Variants in CDC23 observed in about 807,000 individuals in gnomAD.
The protein encoded by CDC23 is cell division cycle 23, also known as cell division cycle protein 23 homolog.
CDC23 carries 26 observed loss-of-function variants against 81.7 expected under a neutral mutation model. The ratio of observed to expected loss-of-function variants is 0.32; its 90% CI spans 0.23 to 0.44. CDC23 has a LOEUF of 0.44. Among genes scored for constraint, CDC23 ranks in the 20% least tolerant of loss-of-function variants. The probability of loss-of-function intolerance (pLI) is 1.00; values close to 1 mark genes in which losing one functional copy is unlikely to be tolerated. For synonymous variants in CDC23, 267 were observed against 270.8 expected, an observed-to-expected ratio of 0.99 and a Z score of 0.14; for missense variants, 519 against 728.0, an observed-to-expected ratio of 0.71 and a Z score of 3.30.
intron 3 of CDC23, among the ~76,000 whole-genome samples, chr5:138,205,104 G>A (rs1162013203): frequency 2.0e-5 from 3 of 151,862 alleles, no homozygotes; most frequent in East Asian, 1.9e-4. Flanking sequence ...TTGTAGAGAC[G>A]GGGTTTCACC....
Position 138,192,774 on chromosome 5 carries a change from C to G in CDC23, c.1013-117G>C. 3 of 799,806 alleles carry G rather than the reference C, an allele frequency of 3.8e-6. No individual in the cohort carries two copies. The East Asian group carries it at 8.0e-5, about 21-fold the overall frequency. 49.5% of individuals were successfully genotyped at this position (799,806 alleles called of 1,614,324 possible). A position where few individuals can be genotyped will look rare whatever the true frequency, so the allele number is the denominator to read the frequency against. On this transcript the variant is annotated intron_variant, in intron 9 of 15. Coordinates refer to ENST00000394886, the MANE Select transcript of CDC23 (RefSeq NM_004661.4). ...ACCATAACCCATTCCCTCTAAAGTC[C>G]TGGCAAAACACCCAAATTGTACAAA...
At chr5:138,208,878 T>A (rs992526018) in intron 2 of CDC23, among the ~76,000 whole-genome samples, 4 of 152,152 alleles carry the variant, frequency 2.6e-5, no homozygotes, top group Non-Finnish European at 4.4e-5. Context: ...AACCTCAGCC[T>A]CCTGGGCTCA....
intron 9 of CDC23, among the ~76,000 whole-genome samples, chr5:138,197,256 A>G (rs1476688940): frequency 2.1e-5 from 3 of 144,036 alleles, no homozygotes; most frequent in African/African-American, 7.9e-5. Flanking sequence ...CAGTGAGCCA[A>G]TGGCGCCACT....
rs750378539 is a variant in CDC23, at chr5:138,188,840, C to CA, written c.*137dup. The CA allele has an allele frequency of 1.2e-5, 8 of 695,212 alleles. No individual in the cohort carries two copies. Among genetic ancestry groups the CA allele is most frequent in the Non-Finnish European group, 1.8e-5 (8 of 444,502 alleles). The allele number at this position is 695,212 out of a possible 1,614,324, so 43.1% of individuals were successfully genotyped here. On this transcript the variant is annotated 3_prime_UTR_variant, in exon 16 of 16. Coordinates refer to ENST00000394886, the MANE Select transcript of CDC23 (RefSeq NM_004661.4). ...CAGTTGGCCTCTGAAGGTAATTATA[C>CA]AAGCTGTCCCTATGGAGCTGTTGCC...
chr5:138,192,100 A>T, intron 11 of CDC23, 163 bp from the exon 12 acceptor site: 2 of 927,838 alleles, frequency 2.2e-6, no homozygotes, highest in East Asian at 5.1e-5. Flanking sequence ...CTATTAACCC[A>T]TTAGTGAAAT....
At chr5:138,207,132 G>A (rs576640725) in intron 2 of CDC23, among the ~76,000 whole-genome samples, 6 of 151,962 alleles carry the variant, frequency 3.9e-5, no homozygotes, top group Admixed American at 1.3e-4. Context: ...TGCCTGCCTC[G>A]GCTTCCCAAA....
Position 138,188,711 on chromosome 5 carries a change from G to A in CDC23, c.*267C>T, listed in dbSNP as rs1754785462. 7.6e-6 allele frequency: 2 copies of A among 262,702 alleles called. No individual in the cohort carries two copies. Among genetic ancestry groups the A allele is most frequent in the Admixed American group, 1.1e-4 (2 of 18,660 alleles). The allele number at this position is 262,702 out of a possible 1,614,324, so 16.3% of individuals were successfully genotyped here. On this transcript the variant is annotated 3_prime_UTR_variant, in exon 16 of 16. Transcript: ENST00000394886. ...CTTTCTTGGGGGCCAAAAAAAAAAA[G>A]CATTCAGGGAAGAAGGCCAAGATCT...
At chr5:138,199,100 G>A (rs1239165176) in intron 6 of CDC23, among the ~76,000 whole-genome samples, 1 of 152,126 alleles carries the variant, frequency 6.6e-6, no homozygotes, top group Non-Finnish European at 1.5e-5. Flanking sequence ...ATAAGGAGAG[G>A]CAAAACAGTC....
chr5:138,203,034 G>A (rs1755006243), intron 3 of CDC23, among the ~76,000 whole-genome samples: 1 of 152,174 alleles, frequency 6.6e-6, no homozygotes, highest in South Asian at 2.1e-4. Flanking sequence ...AGCAGTGAGG[G>A]GCTTAAAGGC....
rs907804555 is a variant in CDC23 at position 138,212,988 on chromosome 5, T to C, written c.234+3A>G. On this transcript the variant is annotated splice_donor_region_variant and intron_variant, in intron 2 of 15. Coordinates refer to ENST00000394886, the MANE Select transcript of CDC23 (RefSeq NM_004661.4). ...GGAGCGCTCACTGTAAACATGTCCT[T>C]ACCTCTGTAATAGGCGGAGGCGGTT... 1 of 1,613,416 alleles carries C rather than the reference T, an allele frequency of 6.2e-7. No homozygotes were observed. The highest frequency in any genetic ancestry group is 1.3e-5 in the African/African-American group (1 of 74,874).
rs759329494 is a variant in CDC23, at chr5:138,188,045, A to C, written c.*933T>G. 7 of 152,306 alleles carry C rather than the reference A, an allele frequency of 4.6e-5. No individual in the cohort carries two copies. Among genetic ancestry groups the C allele is most frequent in the Non-Finnish European group, 7.3e-5 (5 of 68,118 alleles). The allele number at this position is 152,306 out of a possible 1,614,324, so 9.4% of individuals were successfully genotyped here. On this transcript the variant is annotated 3_prime_UTR_variant, in exon 16 of 16. Transcript: ENST00000394886. ...CACATGCACAGGCCTGAAACTCTCC[A>C]AGAGCACCATAAGAATGATTCCCTT... is the stretch of plus-strand genomic sequence containing the variant.
rs1475489051 is a variant in CDC23 at position 138,188,038 on chromosome 5, ACT to A, written c.*938_*939del. 1 of 152,274 alleles carries A rather than the reference ACT, an allele frequency of 6.6e-6. No homozygotes were observed. The highest frequency in any genetic ancestry group is 2.4e-5 in the African/African-American group (1 of 41,416). The allele number at this position is 152,274 out of a possible 1,614,324, so 9.4% of individuals were successfully genotyped here. ...CTGTACACACATGCACAGGCCTGAA[ACT>A]CTCCAAGAGCACCATAAGAATGATT... On this transcript the variant is annotated 3_prime_UTR_variant, in exon 16 of 16. Transcript: ENST00000394886.
At chr5:138,197,475 G>GT (rs1353272181) in intron 9 of CDC23, among the ~76,000 whole-genome samples, 1 of 150,590 alleles carries the variant, frequency 6.6e-6, no homozygotes, top group Non-Finnish European at 1.5e-5. Flanking sequence ...CAATATAGAC[G>GT]TAACATGTAA....
At position 138,195,502 on chromosome 5, in the gene CDC23, AAT is replaced by A. The variant is rs1361314368; in HGVS notation, c.1012+2695_1012+2696del. ...TACTGCAGTATACATATATGTAAAA[AAT>A]ATATATATATAAATATATATAAATT... On this transcript the variant is annotated intron_variant, in intron 9 of 15. Coordinates refer to ENST00000394886, the MANE Select transcript of CDC23 (RefSeq NM_004661.4). Among the ~76,000 whole-genome samples the A allele has an allele frequency of 3.5e-4, 45 of 128,190 alleles. 1 individual carries two copies. Among genetic ancestry groups the A allele is most frequent in the Admixed American group, 3.4e-3 (34 of 9,924 alleles). The allele number at this position is 128,190 out of a possible 152,430, so 84.1% of individuals were successfully genotyped here.
chr5:138,207,000 T>G (rs1482778943), intron 2 of CDC23, among the ~76,000 whole-genome samples: 1 of 151,304 alleles, frequency 6.6e-6, no homozygotes, highest in Non-Finnish European at 1.5e-5. Context: ...GTGCCTCAGC[T>G]GCCAGAGTAG....
intron 10 of CDC23, 42 bp from the exon 11 acceptor site, chr5:138,192,430 A>G (rs1754837067): frequency 6.2e-7 from 1 of 1,613,886 alleles, no homozygotes; most frequent in Non-Finnish European, 8.5e-7. Context: ...GGCAGAATCA[A>G]GGTTGGCAAC....
intron 2 of CDC23, among the ~76,000 whole-genome samples, chr5:138,209,404 G>A (rs949843632): frequency 6.6e-6 from 1 of 150,782 alleles, no homozygotes; most frequent in Non-Finnish European, 1.5e-5. Context: ...CTCCAGCCTG[G>A]GCAACAGAGT....
intron 9 of CDC23, 68 bp downstream of exon 9, chr5:138,198,131 G>T: frequency 8.4e-7 from 1 of 1,197,564 alleles, no homozygotes; most frequent in Non-Finnish European, 1.2e-6. Context: ...AGCTAATTGT[G>T]GTTATTTTCA....
chr5:138,195,863 G>A (rs146658698), intron 9 of CDC23, among the ~76,000 whole-genome samples: 33 of 139,208 alleles, frequency 2.4e-4, no homozygotes, highest in Non-Finnish European at 4.2e-4. Context: ...AAATGCTGCC[G>A]CTCAAGTAGA....
Sources: gnomAD v4.1 joint callset for allele counts (sites outside exome capture counted in the v4.1 genomes callset) on GRCh38, gnomAD v4.1.1 for gene constraint, MANE v1.5 for transcripts, NCBI Gene and HGNC (gene_info 2026-07-23, HGNC 2026-07-21) for gene names.